MAF: variants seen among roughly 807,000 people sequenced by gnomAD.
MAF encodes the protein transcription factor Maf.
A neutral mutation model predicts 22.0 loss-of-function variants in MAF; 10 were observed. The observed-to-expected ratio is 0.45, with a 90% CI of 0.28 to 0.77. MAF has a LOEUF of 0.77. MAF is among the 30% of genes least tolerant of loss of function. MAF has a pLI of 0.12. For missense variants in MAF, 544 were observed against 548.4 expected (o/e 0.99, Z 0.08); for synonymous variants, 337 against 255.8 (o/e 1.32, Z -3.03).
At chr16:79,284,216 C>T in the MAF span, among the ~76,000 whole-genome samples, 1 of 152,186 alleles carries the variant, frequency 6.6e-6, no homozygotes, top group Non-Finnish European at 1.5e-5. Context: ...CTCCATCCGC[C>T]TTCTACCCCA....
At chr16:79,534,760 G>A in the MAF span, among the ~76,000 whole-genome samples, 1 of 152,056 alleles carries the variant, frequency 6.6e-6, no homozygotes, top group African/African-American at 2.4e-5. Context: ...AGAAAGAAAA[G>A]AAAACTGTGA....
chr16:79,391,908 G>GAGGAGGAGGAGGAGC, the MAF span, among the ~76,000 whole-genome samples: 1 of 148,006 alleles, frequency 6.8e-6, no homozygotes, highest in African/African-American at 2.5e-5. Context: ...GCAGGAGGAG[G>GAGGAGGAGGAGGAGC]AGAAGGAGGA....
the MAF span, among the ~76,000 whole-genome samples, chr16:79,578,599 C>T: frequency 7.9e-5 from 12 of 151,750 alleles, no homozygotes; most frequent in Admixed American, 3.3e-4. Context: ...TACAAGACTC[C>T]CCCAATAAAT....
chr16:79,280,513 C>A, the MAF span, among the ~76,000 whole-genome samples: 3 of 152,324 alleles, frequency 2.0e-5, no homozygotes, highest in Non-Finnish European at 4.4e-5. Context: ...GCTTGGGGGG[C>A]CACCACCTAA....
At chr16:79,535,103 T>G in the MAF span, among the ~76,000 whole-genome samples, 12 of 136,726 alleles carry the variant, frequency 8.8e-5, no homozygotes, top group Admixed American at 3.1e-4. Context: ...ATTCTGCATT[T>G]TGAATTCGCC....
At chr16:79,457,389 GTT>G in the MAF span, among the ~76,000 whole-genome samples, 1 of 140,468 alleles carries the variant, frequency 7.1e-6, no homozygotes. Flanking sequence ...TAGCACTTTG[GTT>G]TTTTTTTTTT....
At chr16:79,563,380 G>C in the MAF span, among the ~76,000 whole-genome samples, 1 of 152,058 alleles carries the variant, frequency 6.6e-6, no homozygotes, top group African/African-American at 2.4e-5. Context: ...AACTGAAGCA[G>C]TGAAAATATT....
the MAF span, among the ~76,000 whole-genome samples, chr16:79,271,674 T>C: frequency 6.6e-6 from 1 of 152,232 alleles, no homozygotes; most frequent in Non-Finnish European, 1.5e-5. Context: ...TCAATATCCA[T>C]CTCTACTGCT....
the MAF span, among the ~76,000 whole-genome samples, chr16:79,499,222 G>C: frequency 6.6e-6 from 1 of 152,160 alleles, no homozygotes; most frequent in South Asian, 2.1e-4. Flanking sequence ...TTTTGTGGCT[G>C]GGCTGCATCA....
At chr16:79,496,029 G>A in the MAF span, among the ~76,000 whole-genome samples, 1 of 152,098 alleles carries the variant, frequency 6.6e-6, no homozygotes, top group Non-Finnish European at 1.5e-5. Flanking sequence ...CATAGTCTTG[G>A]CCACCATTTT....
chr16:79,456,196 T>C, the MAF span, among the ~76,000 whole-genome samples: 1 of 152,112 alleles, frequency 6.6e-6, no homozygotes, highest in Non-Finnish European at 1.5e-5. Context: ...GCACAGAGCC[T>C]GCCTGCTAAC....
the MAF span, among the ~76,000 whole-genome samples, chr16:79,550,350 G>GAGAC: frequency 1.3e-4 from 15 of 113,076 alleles, no homozygotes; most frequent in Non-Finnish European, 2.8e-4. Context: ...GAGAGAGAGA[G>GAGAC]ACAGACAGAC....
At chr16:79,215,341 A>C in the MAF span, among the ~76,000 whole-genome samples, 5 of 152,198 alleles carry the variant, frequency 3.3e-5, no homozygotes, top group African/African-American at 1.2e-4. Context: ...TACAGGCATG[A>C]ACCACTGTGC....
the MAF span, among the ~76,000 whole-genome samples, chr16:79,246,090 G>C: frequency 1.3e-5 from 2 of 152,086 alleles, no homozygotes; most frequent in Non-Finnish European, 2.9e-5. Context: ...ATAGCATTAG[G>C]AGAAATACCT....
At chr16:79,503,516 C>T in the MAF span, among the ~76,000 whole-genome samples, 1 of 152,320 alleles carries the variant, frequency 6.6e-6, no homozygotes, top group Non-Finnish European at 1.5e-5. Context: ...CTTTGAGATA[C>T]ATCTCCCTAC....
the MAF span, among the ~76,000 whole-genome samples, chr16:79,325,592 GACACAAAC>G: frequency 1.5e-4 from 20 of 131,424 alleles, no homozygotes; most frequent in Non-Finnish European, 2.2e-4. Flanking sequence ...CAGATACCCA[GACACAAAC>G]ACACACACAC....
the MAF span, among the ~76,000 whole-genome samples, chr16:79,245,245 C>G: frequency 1.3e-5 from 2 of 151,982 alleles, no homozygotes; most frequent in African/African-American, 4.8e-5. Flanking sequence ...AGAGCTTCTT[C>G]ACAACAAAAG....
chr16:79,209,072 G>T, the MAF span, among the ~76,000 whole-genome samples: 2 of 152,182 alleles, frequency 1.3e-5, no homozygotes, highest in Non-Finnish European at 1.5e-5. Context: ...AGCCACTTGT[G>T]ATGGAATTTA....
the MAF span, among the ~76,000 whole-genome samples, chr16:79,530,009 T>C: frequency 1.3e-5 from 2 of 151,958 alleles, no homozygotes; most frequent in African/African-American, 2.4e-5. Flanking sequence ...TAGAGGATGA[T>C]GCAAGGTTTG....
Sources: allele counts gnomAD v4.1 joint callset (sites outside exome capture counted in the v4.1 genomes callset), GRCh38; gene constraint gnomAD v4.1.1; transcripts MANE v1.5; gene names NCBI Gene and HGNC (gene_info 2026-07-23, HGNC 2026-07-21).